ZNF724: variants seen among roughly 807,000 people sequenced by gnomAD.
ZNF724 encodes the protein zinc finger protein 724.
ZNF724 carries 14 observed loss-of-function variants against 29.3 expected under a neutral mutation model. The ratio of observed to expected loss-of-function variants is 0.48; its 90% CI spans 0.32 to 0.75. The LOEUF (loss-of-function observed/expected upper bound fraction) is 0.75, where lower values mean the gene tolerates loss of function less well. Among genes scored for constraint, ZNF724 ranks in the 30% least tolerant of loss-of-function variants. The probability of loss-of-function intolerance (pLI) is 0.04; values close to 1 mark genes in which losing one functional copy is unlikely to be tolerated. For synonymous variants in ZNF724, 180 were observed against 193.6 expected, an observed-to-expected ratio of 0.93 and a Z score of 0.58; for missense variants, 557 against 571.2, an observed-to-expected ratio of 0.98 and a Z score of 0.25.
Position 23,243,475 on chromosome 19 carries a change from C to CAAAAAAAAAAAAA in ZNF724, c.3+6752_3+6764dup, listed in dbSNP as rs61241201. 2.3e-3 allele frequency among the ~76,000 whole-genome samples: 72 copies of CAAAAAAAAAAAAA among 31,152 alleles called. 3 individuals carry two copies. Among genetic ancestry groups the CAAAAAAAAAAAAA allele is most frequent in the Non-Finnish European group, 2.8e-3 (51 of 18,086 alleles). 20.4% of individuals were successfully genotyped at this position (31,152 alleles called of 152,430 possible). A position where few individuals can be genotyped will look rare whatever the true frequency, so the allele number is the denominator to read the frequency against. On this transcript the variant is annotated intron_variant, in intron 1 of 3. Coordinates refer to ENST00000418100, the MANE Select transcript of ZNF724 (RefSeq NM_001355404.2). The stretch of plus-strand genomic sequence containing the variant: ...TGAGTGACAGAGCGAGAGTCCATCT[C>CAAAAAAAAAAAAA]AAAAAAAAAAAAAAAAAAAAAAAAA...
chr19:23,234,357 T>C (rs1207135855), intron 1 of ZNF724, among the ~76,000 whole-genome samples: 1 of 152,208 alleles, frequency 6.6e-6, no homozygotes, highest in Non-Finnish European at 1.5e-5. Context: ...TACACCTAAG[T>C]AATCCAAGTT....
chr19:23,242,739 TAA>T (rs1972151553), intron 1 of ZNF724: 1 of 130,088 alleles, frequency 7.7e-6, no homozygotes, highest in East Asian at 2.3e-4. Flanking sequence ...ATAATAATAA[TAA>T]TAATAATAAT....
chr19:23,235,297 T>A (rs946407109), intron 1 of ZNF724, among the ~76,000 whole-genome samples: 8 of 152,158 alleles, frequency 5.3e-5, no homozygotes, highest in African/African-American at 1.4e-4. Context: ...TTGGTTTTTT[T>A]AAAAAATGTA....
intron 1 of ZNF724, 129 bp downstream of exon 1, chr19:23,250,111 G>A: frequency 1.9e-6 from 1 of 535,894 alleles, no homozygotes; most frequent in Non-Finnish European, 3.8e-6. Flanking sequence ...AGGCCCAGCT[G>A]GGCAAGGAGA....
chr19:23,230,493 T>TA (rs1389156143), intron 3 of ZNF724, among the ~76,000 whole-genome samples: 1 of 40,964 alleles, frequency 2.4e-5, no homozygotes, highest in Admixed American at 2.8e-4. Flanking sequence ...TTCAAGACTA[T>TA]AGTATAAAAA....
intron 3 of ZNF724, among the ~76,000 whole-genome samples, chr19:23,225,979 G>C (rs1474382481): frequency 1.3e-5 from 2 of 151,228 alleles, no homozygotes; most frequent in Non-Finnish European, 2.9e-5. Context: ...AATTCCCCAA[G>C]CTGCTAGGAC....
At chr19:23,228,350 TGA>T (rs1971875137) in intron 3 of ZNF724, among the ~76,000 whole-genome samples, 1 of 150,648 alleles carries the variant, frequency 6.6e-6, no homozygotes, top group Non-Finnish European at 1.5e-5. Flanking sequence ...CTCGGGAGGC[TGA>T]GACAGCAGAA....
At chr19:23,227,001 C>T (rs1366446747) in intron 3 of ZNF724, among the ~76,000 whole-genome samples, 1 of 151,818 alleles carries the variant, frequency 6.6e-6, no homozygotes, top group East Asian at 1.9e-4. Flanking sequence ...CTCTGGTAAG[C>T]AACATTAATG....
chr19:23,246,476 G>A (rs1001227485), intron 1 of ZNF724, among the ~76,000 whole-genome samples: 1 of 151,970 alleles, frequency 6.6e-6, no homozygotes, highest in Non-Finnish European at 1.5e-5. Context: ...CCAACCTGGT[G>A]AAACACTGTC....
Position 23,222,409 on chromosome 19 carries a change from A to G in ZNF724, c.1836T>C (p.His612=), listed in dbSNP as rs764932319. 7 of 1,185,654 alleles carry G rather than the reference A, an allele frequency of 5.9e-6. No homozygotes were observed. The highest frequency in any genetic ancestry group is 2.3e-5 in the East Asian group (1 of 42,722). The allele number at this position is 1,185,654 out of a possible 1,614,324, so 73.4% of individuals were successfully genotyped here. A position where few individuals can be genotyped will look rare whatever the true frequency, so the allele number is the denominator to read the frequency against. ...CSNLTTHKKI[H]AVEKSDK The stretch of plus-strand genomic sequence containing the variant: ...CTTATTTGTCAGATTTTTCTACAGC[A>G]TGAATTTTCTTGTGTGTAGTAAGGT... Residue 612 remains histidine, a synonymous_variant, in exon 4 of 4, where the codon CAT becomes CAC. Transcript: ENST00000418100.
In ZNF724 at chr19:23,243,645, G is replaced by A. The variant is rs937432803; in HGVS notation, c.3+6595C>T. Among the ~76,000 whole-genome samples, 33 of 151,756 alleles carry A rather than the reference G, an allele frequency of 2.2e-4. 1 individual carries two copies. The highest frequency in any genetic ancestry group is 1.5e-4 in the Non-Finnish European group (10 of 67,972). On this transcript the variant is annotated intron_variant, in intron 1 of 3. Transcript: ENST00000418100. ...GGCAGGACAAAGACCTGTTTGGGCC[G>A]GGCGCGGTGGCTCATTCCTGTAATA... is the stretch of plus-strand genomic sequence containing the variant.
At chr19:23,229,656 A>C (rs1971900615) in intron 3 of ZNF724, among the ~76,000 whole-genome samples, 1 of 152,184 alleles carries the variant, frequency 6.6e-6, no homozygotes, top group Non-Finnish European at 1.5e-5. Flanking sequence ...AAGGCAACTA[A>C]AGGTAAACCC....
At chr19:23,234,039 C>T (rs1475529422) in intron 1 of ZNF724, among the ~76,000 whole-genome samples, 2 of 152,120 alleles carry the variant, frequency 1.3e-5, no homozygotes, top group African/African-American at 4.8e-5. Context: ...CTTTCCTGTC[C>T]TTAGGTACCC....
At chr19:23,232,395 T>TAA (rs1337924139) in intron 1 of ZNF724, 102 bp from the exon 2 acceptor site, 10 of 670,472 alleles carry the variant, frequency 1.5e-5, no homozygotes, top group Non-Finnish European at 2.7e-5. Flanking sequence ...TTCTGACTTA[T>TAA]AAAAGTGAAT....
rs573271216 is a variant in ZNF724, at chr19:23,224,631, C to A, written c.227-613G>T. ...GTTATATTTACCTAACACAGCTCAT[C>A]CCTCTCCCCAATATAATATAGTGCC... On this transcript the variant is annotated intron_variant, in intron 3 of 3. Coordinates refer to ENST00000418100, the MANE Select transcript of ZNF724 (RefSeq NM_001355404.2). Among the ~76,000 whole-genome samples, 11 of 152,172 alleles carry A rather than the reference C, an allele frequency of 7.2e-5. No homozygotes were observed. In the South Asian group the frequency reaches 2.3e-3, roughly 32 times the overall value.
chr19:23,243,495 A>AT lies in ZNF724; in HGVS notation c.3+6744_3+6745insA, dbSNP rs1568345929. 5.0e-4 allele frequency among the ~76,000 whole-genome samples: 75 copies of AT among 149,792 alleles called. 1 individual carries two copies. The highest frequency in any genetic ancestry group is 1.8e-3 in the African/African-American group (71 of 40,090). ...CATCTCAAAAAAAAAAAAAAAAAAA[A>AT]AAAAAAGGTAAACTGATGCAGAAAG... On this transcript the variant is annotated intron_variant, in intron 1 of 3. Transcript: ENST00000418100.
chr19:23,248,299 GGAAA>G (rs750366721), intron 1 of ZNF724, among the ~76,000 whole-genome samples: 4 of 152,248 alleles, frequency 2.6e-5, no homozygotes, highest in South Asian at 2.1e-4. Flanking sequence ...TGTGAATTAG[GGAAA>G]GAAAGTTGAC....
At chr19:23,236,043 G>A (rs559552728) in intron 1 of ZNF724, among the ~76,000 whole-genome samples, 6 of 152,272 alleles carry the variant, frequency 3.9e-5, no homozygotes, top group Admixed American at 3.9e-4. Flanking sequence ...ATCCATGTAT[G>A]CTAATTGGTT....
At chr19:23,233,696 A>T (rs1971977363) in intron 1 of ZNF724, among the ~76,000 whole-genome samples, 1 of 151,824 alleles carries the variant, frequency 6.6e-6, no homozygotes, top group African/African-American at 2.4e-5. Context: ...CTCATTAGGG[A>T]GAAAAAAACA....
Sources: gnomAD v4.1 joint callset for allele counts (sites outside exome capture counted in the v4.1 genomes callset) on GRCh38, gnomAD v4.1.1 for gene constraint, MANE v1.5 for transcripts, NCBI Gene and HGNC (gene_info 2026-07-23, HGNC 2026-07-21) for gene names.